The following DHRSX variants were observed in gnomAD, a reference collection of about 807,000 sequenced individuals.
DHRSX encodes the protein dehydrogenase/reductase X-linked, also known as polyprenol dehydrogenase.
A neutral mutation model predicts 34.0 loss-of-function variants in DHRSX; 31 were observed. The ratio of observed to expected loss-of-function variants is 0.91; its 90% CI spans 0.69 to 1.23. The LOEUF (loss-of-function observed/expected upper bound fraction) is 1.23, where lower values mean the gene tolerates loss of function less well. DHRSX is among the 50% of genes most tolerant of loss of function. The pLI is 0.00. For synonymous variants in DHRSX, 201 were observed against 183.8 expected (o/e 1.09, Z -0.76); for missense variants, 414 against 428.1 (o/e 0.97, Z 0.29).
At chrX:2,228,446 AGGGAAGGGAGGG>A (rs2015782683) in intron 6 of DHRSX, among the ~76,000 whole-genome samples, 1 of 11,060 alleles carries the variant, frequency 9.0e-5, no homozygotes, top group Non-Finnish European at 1.2e-4. Context: ...GGAGGGAGGG[AGGGAAGGGAGGG>A]AGGGAGGGAG....
intron 3 of DHRSX, among the ~76,000 whole-genome samples, chrX:2,386,434 G>C (rs1486150414): frequency 2.0e-5 from 3 of 152,012 alleles, no homozygotes; most frequent in Non-Finnish European, 4.4e-5. Flanking sequence ...GGCCAGGCTG[G>C]TCTCGAACTC....
rs746495870 is a variant in DHRSX at position 2,282,800 on chromosome X, AG to A, written c.388+8701del. Among the ~76,000 whole-genome samples the A allele has an allele frequency of 8.1e-3, 313 of 38,780 alleles. 28 individuals carry two copies. The highest frequency in any genetic ancestry group is 0.012 in the Non-Finnish European group (183 of 15,138). The allele number at this position is 38,780 out of a possible 152,430, so 25.4% of individuals were successfully genotyped here. ...AGGGAGGGGGAGAGAGAGAAGAAAGAGAGAAGAGAGAAAGAGAGAGAGGGAG... is the reference window on the plus strand; with the variant it reads ...AGGGAGGGGGAGAGAGAGAAGAAAGAAGAAGAGAGAAAGAGAGAGAGGGAG... On this transcript the variant is annotated intron_variant, in intron 4 of 6. Coordinates refer to ENST00000334651, the MANE Select transcript of DHRSX (RefSeq NM_145177.3).
At chrX:2,408,861 A>G (rs1461368153) in intron 2 of DHRSX, 48 bp from the exon 3 acceptor site, 1 of 1,478,168 alleles carries the variant, frequency 6.8e-7, no homozygotes, top group East Asian at 2.3e-5. Flanking sequence ...AGGATTATCC[A>G]GAAACTATTA....
chrX:2,334,468 T>G (rs1290680290), intron 3 of DHRSX: 2 of 152,070 alleles, frequency 1.3e-5, no homozygotes, highest in Non-Finnish European at 2.9e-5. Context: ...TTTTCTTTCT[T>G]TAAGAGATAA....
In DHRSX at chrX:2,220,922, G is replaced by T. The variant is rs2015505291; in HGVS notation, c.*119C>A. The T allele has an allele frequency of 3.7e-5, 35 of 933,902 alleles. 1 individual carries two copies. The highest frequency in any genetic ancestry group is 1.1e-4 in the South Asian group (6 of 55,696). The allele number at this position is 933,902 out of a possible 1,614,324, so 57.9% of individuals were successfully genotyped here. On this transcript the variant is annotated 3_prime_UTR_variant, in exon 7 of 7. Transcript: ENST00000334651. ...TGAGGCAGCTGTCTCAAAACTAGAG[G>T]ACAGAGCCCTGTGGGCAGGTGGGTG... is the stretch of plus-strand genomic sequence containing the variant.
chrX:2,335,053 CG>C (rs1271018409), intron 3 of DHRSX: 2 of 151,710 alleles, frequency 1.3e-5, no homozygotes, highest in Non-Finnish European at 2.9e-5. Flanking sequence ...GACATGGTGG[CG>C]GGCACCTGTA....
At chrX:2,275,055 T>A (rs1424250112) in intron 4 of DHRSX, among the ~76,000 whole-genome samples, 1 of 152,128 alleles carries the variant, frequency 6.6e-6, no homozygotes, top group Non-Finnish European at 1.5e-5. Context: ...TGAGTACTAG[T>A]TAGACAATCG....
intron 1 of DHRSX, chrX:2,490,158 G>A: frequency 6.2e-7 from 1 of 1,613,968 alleles, no homozygotes. Flanking sequence ...GCCTCGGCCA[G>A]CTCCTTCAGG....
At chrX:2,240,216 C>T (rs1395753544) in intron 6 of DHRSX, among the ~76,000 whole-genome samples, 2 of 151,774 alleles carry the variant, frequency 1.3e-5, no homozygotes, top group Non-Finnish European at 1.5e-5. Flanking sequence ...TCACTTGAAC[C>T]CAGGAGGCGG....
At chrX:2,268,304 G>T (rs1368565108) in intron 4 of DHRSX, among the ~76,000 whole-genome samples, 1 of 152,152 alleles carries the variant, frequency 6.6e-6, no homozygotes, top group African/African-American at 2.4e-5. Flanking sequence ...AGTTTGCTTG[G>T]ATATTAATGC....
At chrX:2,450,493 A>T (rs1435409769) in intron 1 of DHRSX, among the ~76,000 whole-genome samples, 1 of 152,078 alleles carries the variant, frequency 6.6e-6, no homozygotes, top group East Asian at 1.9e-4. Flanking sequence ...AGTATCGGAC[A>T]TGCTGGGTTG....
At chrX:2,221,851 C>G (rs2015528390) in intron 6 of DHRSX, among the ~76,000 whole-genome samples, 1 of 152,086 alleles carries the variant, frequency 6.6e-6, no homozygotes, top group Admixed American at 6.6e-5. Flanking sequence ...GGAGTTGGCC[C>G]TTGGTCATGG....
At chrX:2,459,662 C>T (rs2044375704) in intron 1 of DHRSX, among the ~76,000 whole-genome samples, 1 of 151,312 alleles carries the variant, frequency 6.6e-6, no homozygotes, top group African/African-American at 2.4e-5. Context: ...AAGTGACTCC[C>T]ATTTCCAGGC....
chrX:2,488,614 G>A (rs531609492), intron 1 of DHRSX: 1 of 1,571,428 alleles, frequency 6.4e-7, no homozygotes, highest in Non-Finnish European at 8.6e-7. Context: ...GGGATGACTT[G>A]TAAGACAACA....
chrX:2,221,505 C>CTGA (rs1569475512), intron 6 of DHRSX, among the ~76,000 whole-genome samples: 1 of 152,160 alleles, frequency 6.6e-6, no homozygotes, highest in African/African-American at 2.4e-5. Context: ...ATTAAAATCC[C>CTGA]TGATGTACGT....
chrX:2,436,746 C>T (rs1248780045), intron 1 of DHRSX, among the ~76,000 whole-genome samples: 1 of 151,938 alleles, frequency 6.6e-6, no homozygotes, highest in Non-Finnish European at 1.5e-5. Flanking sequence ...ATCCTCCTGC[C>T]TCAGTCCCCC....
intron 3 of DHRSX, among the ~76,000 whole-genome samples, chrX:2,382,758 A>G (rs1224473512): frequency 7.7e-6 from 1 of 129,108 alleles, no homozygotes; most frequent in African/African-American, 3.3e-5. Flanking sequence ...CATCACTATC[A>G]TCATCATCAT....
chrX:2,274,683 A>C (rs1170830726), intron 4 of DHRSX, among the ~76,000 whole-genome samples: 1 of 145,992 alleles, frequency 6.8e-6, no homozygotes, highest in African/African-American at 2.5e-5. Context: ...TGCCCGCCTC[A>C]GCCTCCCAAA....
intron 5 of DHRSX, among the ~76,000 whole-genome samples, chrX:2,248,559 G>A (rs1345701334): frequency 7.1e-6 from 1 of 140,696 alleles, no homozygotes; most frequent in Non-Finnish European, 1.5e-5. Flanking sequence ...GCTGCAATGA[G>A]CCAAGATTGC....
Sources: allele counts gnomAD v4.1 joint callset (sites outside exome capture counted in the v4.1 genomes callset), GRCh38; gene constraint gnomAD v4.1.1; transcripts MANE v1.5; gene names NCBI Gene and HGNC (gene_info 2026-07-23, HGNC 2026-07-21).